The following GABPB2 variants were observed in gnomAD, a reference collection of about 807,000 sequenced individuals.
GABPB2 encodes GA-binding protein subunit beta-2.
In GABPB2, 23 loss-of-function variants were observed where a neutral mutation model predicts 39.1. The observed-to-expected ratio is 0.59, with a 90% CI of 0.42 to 0.83. GABPB2 has a LOEUF of 0.83. Among genes scored for constraint, GABPB2 ranks in the 40% least tolerant of loss-of-function variants. The pLI is 0.00. For synonymous variants in GABPB2, 184 were observed against 199.3 expected (o/e 0.92, Z 0.65); for missense variants, 467 against 541.1 (o/e 0.86, Z 1.36).
At chr1:151,072,531 A>G (rs1450732629) in intron 1 of GABPB2, among the ~76,000 whole-genome samples, 1 of 152,086 alleles carries the variant, frequency 6.6e-6, no homozygotes, top group East Asian at 1.9e-4. Flanking sequence ...CCTGGACCAC[A>G]GAGTGAGGCC....
In GABPB2 at chr1:151,121,938, A is replaced by G. The variant is rs1277577941; in HGVS notation, c.*3682A>G. The G allele has an allele frequency of 6.6e-6, 1 of 152,186 alleles. No individual in the cohort carries two copies. The allele number at this position is 152,186 out of a possible 1,614,324, so 9.4% of individuals were successfully genotyped here. A position where few individuals can be genotyped will look rare whatever the true frequency, so the allele number is the denominator to read the frequency against. On this transcript the variant is annotated 3_prime_UTR_variant, in exon 9 of 9. Transcript: ENST00000368918. Reference sequence around the variant, plus strand: ...GGAGATGTGCCAAGTAAACATTCGAATGACTGTTTAGAATATGGTTTTCTT... The same window carrying G: ...GGAGATGTGCCAAGTAAACATTCGAGTGACTGTTTAGAATATGGTTTTCTT...
rs1680266909 is a variant in GABPB2 at position 151,109,804 on chromosome 1, G to A, written c.922+2582G>A. 5.9e-5 allele frequency among the ~76,000 whole-genome samples: 9 copies of A among 151,452 alleles called. No homozygotes were observed. The South Asian group carries it at 1.9e-3, about 32-fold the overall frequency. ...CTCACCTCAGCCTCCCAAGTAGCTG[G>A]GACTACAGGCATGCACCACCACACC... is the stretch of plus-strand genomic sequence containing the variant. On this transcript the variant is annotated intron_variant, in intron 7 of 8. Transcript: ENST00000368918.
In GABPB2 at chr1:151,124,452, T is replaced by C. The variant is rs1681304032; in HGVS notation, c.*6196T>C. 1 of 151,110 alleles carries C rather than the reference T, an allele frequency of 6.6e-6. No individual in the cohort carries two copies. The highest frequency in any genetic ancestry group is 2.4e-5 in the African/African-American group (1 of 41,180). 9.4% of individuals were successfully genotyped at this position (151,110 alleles called of 1,614,324 possible). A position where few individuals can be genotyped will look rare whatever the true frequency, so the allele number is the denominator to read the frequency against. On this transcript the variant is annotated 3_prime_UTR_variant, in exon 9 of 9. Transcript: ENST00000368918. ...GTGAGCCACCACGCCCAGCCTCTTT[T>C]TTTTTTTTTTTTTCTCACCAGTATG...
At chr1:151,107,574 T>C (rs1471337934) in intron 7 of GABPB2, among the ~76,000 whole-genome samples, 2 of 151,084 alleles carry the variant, frequency 1.3e-5, no homozygotes, top group Non-Finnish European at 2.9e-5. Context: ...CAATCTCAGC[T>C]CACTGCAGGC....
rs1680776102 is a variant in GABPB2 at position 151,115,329 on chromosome 1, G to A, written c.923-2063G>A. On this transcript the variant is annotated intron_variant, in intron 7 of 8. Transcript: ENST00000368918. ...GCCGAGATCGCGCCATTGCACTCCA[G>A]CCTGAATAATAAGAATGAAACTCCG... is the stretch of plus-strand genomic sequence containing the variant. Among the ~76,000 whole-genome samples, 3 of 151,938 alleles carry A rather than the reference G, an allele frequency of 2.0e-5. No individual in the cohort carries two copies. In the South Asian group the frequency reaches 6.2e-4, roughly 32 times the overall value.
chr1:151,105,007 C>G (rs2101541942), intron 6 of GABPB2, among the ~76,000 whole-genome samples: 1 of 151,874 alleles, frequency 6.6e-6, no homozygotes, highest in Admixed American at 6.6e-5. Flanking sequence ...GGGGTTCAAG[C>G]ACAATTCTCC....
Position 151,103,562 on chromosome 1 carries a change from G to A in GABPB2, c.623G>A (p.Gly208Asp). 6.2e-7 allele frequency: 1 copy of A among 1,607,060 alleles called. No individual in the cohort carries two copies. The highest frequency in any genetic ancestry group is 1.1e-5 in the South Asian group (1 of 90,646). Residue 208 changes from glycine to aspartate, a missense_variant and splice_region_variant, in exon 6 of 9, where the codon GGT (glycine) becomes GAT (aspartate). Gly to Asp is a moderately conservative substitution (Grantham distance 94). Coordinates refer to ENST00000368918, the MANE Select transcript of GABPB2 (RefSeq NM_144618.3). Reference sequence around the variant, plus strand: ...TCATTTGTCTTTCTTACTGAAATAGGTGACCCCCATGCCTCAACAGTACAG... The same window carrying A: ...TCATTTGTCTTTCTTACTGAAATAGATGACCCCCATGCCTCAACAGTACAG... Reference protein sequence around the residue: ...ISSTNTKTTSGDPHASTVQFS... With the variant: ...ISSTNTKTTSDDPHASTVQFS...
intron 7 of GABPB2, among the ~76,000 whole-genome samples, chr1:151,116,406 A>T (rs1680868865): frequency 6.6e-6 from 1 of 151,546 alleles, no homozygotes; most frequent in Non-Finnish European, 1.5e-5. Flanking sequence ...CATCTCAAAA[A>T]AAAAAAAAAA....
intron 3 of GABPB2, 91 bp downstream of exon 3, chr1:151,090,664 G>C: frequency 1.6e-6 from 2 of 1,279,340 alleles, no homozygotes; most frequent in Non-Finnish European, 2.2e-6. Flanking sequence ...AATGACTTGG[G>C]AATGATTAAG....
In GABPB2 at chr1:151,118,210, C is replaced by T; in HGVS notation, c.1301C>T (p.Thr434Ile). Residue 434 changes from threonine (T) to isoleucine (I), a missense_variant, in exon 9 of 9, where the codon ACC becomes ATC. Coordinates refer to ENST00000368918, the MANE Select transcript of GABPB2 (RefSeq NM_144618.3). Reference protein sequence around the residue: ...RETKVTGSAGTTEPHTRVSMA... With the variant: ...RETKVTGSAGITEPHTRVSMA... The stretch of plus-strand genomic sequence containing the variant: ...ACAAAAGTGACTGGGTCAGCAGGGA[C>T]CACAGAGCCTCACACTAGAGTTTCC... 1 of 1,614,076 alleles carries T rather than the reference C, an allele frequency of 6.2e-7. No individual in the cohort carries two copies. Among genetic ancestry groups the T allele is most frequent in the Non-Finnish European group, 8.5e-7 (1 of 1,180,004 alleles).
intron 7 of GABPB2, among the ~76,000 whole-genome samples, chr1:151,111,267 G>A (rs1313751294): frequency 4.1e-5 from 6 of 146,740 alleles, no homozygotes; most frequent in African/African-American, 1.5e-4. Flanking sequence ...TTTTTGAGAC[G>A]GAGTCTTGCT....
Position 151,097,893 on chromosome 1 carries a change from C to G in GABPB2, c.513C>G (p.Ala171=), listed in dbSNP as rs1275070255. ...QNQVNVNPER[A]NPVTDPVSMA... ...AGGTGAATGTTAATCCAGAGAGAGC[C>G]AACCCTGTGACTGACCCTGTGAGTA... The change falls in exon 5 of 9, where the codon GCC becomes GCG. Residue 171 remains alanine, a synonymous_variant. Coordinates refer to ENST00000368918, the MANE Select transcript of GABPB2 (RefSeq NM_144618.3). 1 of 1,613,920 alleles carries G rather than the reference C, an allele frequency of 6.2e-7. No homozygotes were observed. The highest frequency in any genetic ancestry group is 8.5e-7 in the Non-Finnish European group (1 of 1,179,960).
chr1:151,117,075 T>C (rs1203338071), intron 7 of GABPB2, among the ~76,000 whole-genome samples: 1 of 152,114 alleles, frequency 6.6e-6, no homozygotes, highest in East Asian at 1.9e-4. Context: ...TTTTTGTTTC[T>C]CCCTGAAGGG....
intron 1 of GABPB2, among the ~76,000 whole-genome samples, chr1:151,078,683 A>G (rs953457394): frequency 1.3e-5 from 2 of 151,874 alleles, no homozygotes; most frequent in Admixed American, 1.3e-4. Context: ...TCTGTTACCC[A>G]GGCTGGAGGG....
rs759969656 is a variant in GABPB2 at position 151,088,260 on chromosome 1, C to G, written c.71C>G (p.Thr24Arg). The change falls in exon 2 of 9, where the codon ACG becomes AGG. Residue 24 changes from threonine (T) to arginine (R), a missense_variant. By Grantham distance (71) the Thr-to-Arg change is moderately conservative (BLOSUM62 -1). Transcript: ENST00000368918. ...AAAGGCCAAGATGATGAAGTGAGAACGTTGATGGCAAATGGCGCCCCATTC... is the reference window on the plus strand; with the variant it reads ...AAAGGCCAAGATGATGAAGTGAGAAGGTTGATGGCAAATGGCGCCCCATTC... ...ARKGQDDEVRTLMANGAPFTT... is the reference protein window; with the variant it reads ...ARKGQDDEVRRLMANGAPFTT... The G allele has an allele frequency of 1.2e-6, 2 of 1,613,916 alleles. No homozygotes were observed. The highest frequency in any genetic ancestry group is 1.7e-6 in the Non-Finnish European group (2 of 1,179,908).
rs141987555 is a variant in GABPB2 at position 151,088,094 on chromosome 1, A to G, written c.1-96A>G. The stretch of plus-strand genomic sequence containing the variant: ...AGTCAACTTGAGATGTATCTTATAT[A>G]CATTCAAATATAAGAAGTCTTCTAA... On this transcript the variant is annotated intron_variant, in intron 1 of 8. Coordinates refer to ENST00000368918, the MANE Select transcript of GABPB2 (RefSeq NM_144618.3). The G allele has an allele frequency of 2.7e-3, 2,111 of 780,858 alleles. 22 individuals carry two copies. The highest frequency in any genetic ancestry group is 0.015 in the South Asian group (937 of 64,022). The allele number at this position is 780,858 out of a possible 1,614,324, so 48.4% of individuals were successfully genotyped here.
In GABPB2 at chr1:151,082,022, CAGTG is replaced by C. The variant is rs587759596; in HGVS notation, c.1-6164_1-6161del. 7.3e-5 allele frequency among the ~76,000 whole-genome samples: 11 copies of C among 151,496 alleles called. No individual in the cohort carries two copies. In the East Asian group the frequency reaches 2.1e-3, roughly 29 times the overall value. ...GTATTATAATAACTTTTTCCAGTAA[CAGTG>C]AGTATTCTTTGATACTGCACAAAAA... is the stretch of plus-strand genomic sequence containing the variant. On this transcript the variant is annotated intron_variant, in intron 1 of 8. Transcript: ENST00000368918.
chr1:151,105,288 AT>A, intron 6 of GABPB2, among the ~76,000 whole-genome samples: 1 of 151,890 alleles, frequency 6.6e-6, no homozygotes, highest in Non-Finnish European at 1.5e-5. Flanking sequence ...ATATTGACTA[AT>A]CAAACTGAAA....
chr1:151,082,602 G>A (rs1176843157), intron 1 of GABPB2, among the ~76,000 whole-genome samples: 4 of 149,878 alleles, frequency 2.7e-5, no homozygotes, highest in Non-Finnish European at 4.4e-5. Flanking sequence ...GTAGAGATGC[G>A]GTTTCACTGT....
Sources: allele counts gnomAD v4.1 joint callset (sites outside exome capture counted in the v4.1 genomes callset), GRCh38; gene constraint gnomAD v4.1.1; transcripts MANE v1.5; gene names NCBI Gene and HGNC (gene_info 2026-07-23, HGNC 2026-07-21).